Variants in GSE1 observed in about 807,000 individuals in gnomAD.
The protein encoded by GSE1 is genetic suppressor element 1.
In GSE1, 32 loss-of-function variants were observed where a neutral mutation model predicts 112.6. The ratio of observed to expected loss-of-function variants is 0.28; its 90% CI spans 0.21 to 0.38. The LOEUF (loss-of-function observed/expected upper bound fraction) is 0.38, where lower values mean the gene tolerates loss of function less well. Ranked by LOEUF, GSE1 falls within the 10% of genes least tolerant of loss-of-function variation. GSE1 has a pLI of 1.00. For missense variants in GSE1, 2,348 were observed against 1,699.2 expected, an observed-to-expected ratio of 1.38 and a Z score of -6.71; for synonymous variants, 1,115 against 735.6, an observed-to-expected ratio of 1.52 and a Z score of -8.35.
intron 1 of GSE1, among the ~76,000 whole-genome samples, chr16:85,630,003 A>T (rs551119238): frequency 6.6e-6 from 1 of 152,308 alleles, no homozygotes; most frequent in East Asian, 1.9e-4. Flanking sequence ...TGATGAGCCT[A>T]CTTGAGATGT....
At chr16:85,447,563 A>G (rs1355356452) in intron 2 of GSE1, among the ~76,000 whole-genome samples, 1 of 152,172 alleles carries the variant, frequency 6.6e-6, no homozygotes. Context: ...AGCTGTCACC[A>G]TCATGGGCCA....
At chr16:85,609,967 T>C (rs577733649), upstream of GSE1, among the ~76,000 whole-genome samples, 4 of 152,202 alleles carry the variant, frequency 2.6e-5, no homozygotes, top group Admixed American at 2.6e-4. Context: ...GGAAAGCTTT[T>C]AAATTTTAAA....
chr16:85,368,081 C>A (rs1001459075), intron 2 of GSE1, among the ~76,000 whole-genome samples: 1 of 151,934 alleles, frequency 6.6e-6, no homozygotes. Context: ...CTCGAACTCT[C>A]GACCTCAGGT....
intron 1 of GSE1, among the ~76,000 whole-genome samples, chr16:85,304,828 C>A (rs1016911639): frequency 2.0e-5 from 3 of 152,218 alleles, no homozygotes; most frequent in African/African-American, 7.2e-5. Context: ...CCCCCTCTTT[C>A]AACCAGCGTT....
At position 85,654,892 on chromosome 16, in the gene GSE1, T is replaced by G; in HGVS notation, c.698T>G (p.Met233Arg). ...RPYHTTDDLRMSSLPPLGLDP... is the reference protein window; with the variant it reads ...RPYHTTDDLRRSSLPPLGLDP... Reference sequence around the variant, plus strand: ...TACCACACCACCGACGACCTCCGCATGTCCTCACTGCCTCCCCTCGGCCTG... The same window carrying G: ...TACCACACCACCGACGACCTCCGCAGGTCCTCACTGCCTCCCCTCGGCCTG... The change falls in exon 5 of 16, where the codon ATG becomes AGG. Residue 233 changes from methionine to arginine, a missense_variant. Transcript: ENST00000253458. The G allele has an allele frequency of 6.2e-7, 1 of 1,611,362 alleles. No homozygotes were observed. The highest frequency in any genetic ancestry group is 8.5e-7 in the Non-Finnish European group (1 of 1,179,174).
At chr16:85,227,523 G>T (rs1037703354) in intron 1 of GSE1, among the ~76,000 whole-genome samples, 2 of 152,258 alleles carry the variant, frequency 1.3e-5, no homozygotes, top group African/African-American at 4.8e-5. Flanking sequence ...AGCACAGGCA[G>T]GGCCCAGGAG....
intron 2 of GSE1, among the ~76,000 whole-genome samples, chr16:85,486,746 G>A (rs369118095): frequency 6.6e-6 from 1 of 152,140 alleles, no homozygotes; most frequent in Non-Finnish European, 1.5e-5. Flanking sequence ...CATCTGTCCT[G>A]TTGCACAGGC....
intron 1 of GSE1, among the ~76,000 whole-genome samples, chr16:85,255,872 G>C (rs746286679): frequency 6.6e-6 from 1 of 151,770 alleles, no homozygotes; most frequent in East Asian, 1.9e-4. Context: ...AATTTTTGTA[G>C]AGATGGGGTC....
chr16:85,169,721 A>T (rs982636492), exon 1 of GSE1: 1 of 982,858 alleles, frequency 1.0e-6, no homozygotes, highest in East Asian at 1.2e-4. Flanking sequence ...CCGTTCCTGC[A>T]GCAGCAGGAG....
At chr16:85,279,391 G>C (rs147606828) in intron 1 of GSE1, among the ~76,000 whole-genome samples, 2 of 152,184 alleles carry the variant, frequency 1.3e-5, no homozygotes, top group African/African-American at 4.8e-5. Flanking sequence ...CGGATCACTT[G>C]AGCCCAGGAG....
At chr16:85,383,209 C>A (rs772409166) in intron 2 of GSE1, among the ~76,000 whole-genome samples, 1 of 151,972 alleles carries the variant, frequency 6.6e-6, no homozygotes, top group African/African-American at 2.4e-5. Context: ...CACACACAGC[C>A]CTCTGTACAT....
intron 1 of GSE1, among the ~76,000 whole-genome samples, chr16:85,178,469 C>G (rs912566626): frequency 6.6e-6 from 1 of 152,186 alleles, no homozygotes. Flanking sequence ...TTAAAAATAC[C>G]AATGACAGGG....
intron 2 of GSE1, among the ~76,000 whole-genome samples, chr16:85,402,442 G>A (rs2048137436): frequency 6.6e-6 from 1 of 152,208 alleles, no homozygotes; most frequent in Non-Finnish European, 1.5e-5. Context: ...GAAGGTCATG[G>A]TGGTTTCTCT....
Position 85,640,422 on chromosome 16 carries a change from C to G in GSE1, c.226+6290C>G, listed in dbSNP as rs369966787. Among the ~76,000 whole-genome samples, 12 of 152,362 alleles carry G rather than the reference C, an allele frequency of 7.9e-5. No individual in the cohort carries two copies. In the South Asian group the frequency reaches 1.9e-3, roughly 24 times the overall value. On this transcript the variant is annotated intron_variant, in intron 2 of 15. Coordinates refer to ENST00000253458, the MANE Select transcript of GSE1 (RefSeq NM_014615.5). ...GGTGGTGGCAGTGGGGCTGGAACTG[C>G]TCTCTTGTCATCGAGGCCCGCGGGG...
intron 1 of GSE1, among the ~76,000 whole-genome samples, chr16:85,623,247 C>T (rs1256607646): frequency 1.3e-5 from 2 of 149,228 alleles, no homozygotes; most frequent in Non-Finnish European, 3.0e-5. Context: ...CAGGGTCTCG[C>T]TCTGTCACCT....
At chr16:85,292,392 G>A (rs984065181) in intron 1 of GSE1, among the ~76,000 whole-genome samples, 4 of 148,212 alleles carry the variant, frequency 2.7e-5, no homozygotes, top group East Asian at 2.0e-4. Context: ...GCAGTGGCGC[G>A]ATCTTGGCTC....
intron 2 of GSE1, among the ~76,000 whole-genome samples, chr16:85,518,372 G>A (rs963675980): frequency 1.3e-5 from 2 of 152,166 alleles, no homozygotes; most frequent in African/African-American, 2.4e-5. Context: ...CCGCGTGGCC[G>A]GAACCGTCCT....
At chr16:85,639,442 T>C (rs551029309) in intron 2 of GSE1, among the ~76,000 whole-genome samples, 2 of 152,348 alleles carry the variant, frequency 1.3e-5, no homozygotes, top group South Asian at 4.1e-4. Context: ...GTCCCAGCCC[T>C]GTGTCCCACC....
At chr16:85,350,567 AAG>A (rs2046832335) in intron 1 of GSE1, among the ~76,000 whole-genome samples, 1 of 151,794 alleles carries the variant, frequency 6.6e-6, no homozygotes, top group Non-Finnish European at 1.5e-5. Context: ...ATCTGCACCC[AAG>A]GCCAAGACGC....
Sources: gnomAD v4.1 joint callset for allele counts (sites outside exome capture counted in the v4.1 genomes callset) on GRCh38, gnomAD v4.1.1 for gene constraint, MANE v1.5 for transcripts, NCBI Gene and HGNC (gene_info 2026-07-23, HGNC 2026-07-21) for gene names.